Variants in LOC128706665 observed in about 807,000 individuals in gnomAD.
chr20:10,429,389 C>A, the LOC128706665 span, among the ~76,000 whole-genome samples: 7 of 152,130 alleles, frequency 4.6e-5, no homozygotes, highest in African/African-American at 1.7e-4. Flanking sequence ...GTTTCCTGGG[C>A]GGTCTCATTC....
the LOC128706665 span, among the ~76,000 whole-genome samples, chr20:10,427,064 ACACAC>A: frequency 6.8e-6 from 1 of 146,010 alleles, no homozygotes; most frequent in Non-Finnish European, 1.5e-5. Context: ...ACACACACAC[ACACAC>A]ACACACACAC....
the LOC128706665 span, among the ~76,000 whole-genome samples, chr20:10,429,279 A>C: frequency 6.6e-6 from 1 of 152,162 alleles, no homozygotes; most frequent in African/African-American, 2.4e-5. Context: ...ACTCCTAAGT[A>C]CTCAGGACTC....
the LOC128706665 span, chr20:10,434,127 C>T: frequency 6.6e-6 from 1 of 152,200 alleles, no homozygotes; most frequent in East Asian, 1.9e-4. Context: ...AGCCGTCGCG[C>T]CGCCCCAGGC....
the LOC128706665 span, among the ~76,000 whole-genome samples, chr20:10,419,677 A>G: frequency 6.6e-6 from 1 of 152,232 alleles, no homozygotes; most frequent in African/African-American, 2.4e-5. Flanking sequence ...TTACCTGAAC[A>G]TAAGCGCGGA....
At chr20:10,420,203 A>C in the LOC128706665 span, among the ~76,000 whole-genome samples, 1 of 152,190 alleles carries the variant, frequency 6.6e-6, no homozygotes. Context: ...ATAGAAGAAA[A>C]TAATCTTGTA....
At chr20:10,417,775 T>C in the LOC128706665 span, among the ~76,000 whole-genome samples, 1 of 152,178 alleles carries the variant, frequency 6.6e-6, no homozygotes, top group Admixed American at 6.5e-5. Flanking sequence ...TGAAGTATTC[T>C]TGTTCAAAAA....
At chr20:10,424,265 A>G in the LOC128706665 span, among the ~76,000 whole-genome samples, 1 of 150,872 alleles carries the variant, frequency 6.6e-6, no homozygotes, top group Non-Finnish European at 1.5e-5. Context: ...AATAAAAAGG[A>G]AAAAAAAAGG....
the LOC128706665 span, among the ~76,000 whole-genome samples, chr20:10,421,139 A>G: frequency 6.6e-6 from 1 of 152,312 alleles, no homozygotes; most frequent in South Asian, 2.1e-4. Context: ...TTTAAAAATT[A>G]TAATTACAGG....
At chr20:10,424,883 C>G in the LOC128706665 span, among the ~76,000 whole-genome samples, 57 of 152,046 alleles carry the variant, frequency 3.7e-4, no homozygotes, top group Non-Finnish European at 7.5e-4. Flanking sequence ...GAAACCCTGT[C>G]TCTACTAAAA....
the LOC128706665 span, among the ~76,000 whole-genome samples, chr20:10,426,675 G>A: frequency 0.014 from 2,071 of 152,346 alleles, 40 homozygotes; most frequent in African/African-American, 0.045. Context: ...TGGGATTACA[G>A]GCATGAGCCA....
the LOC128706665 span, among the ~76,000 whole-genome samples, chr20:10,414,100 C>T: frequency 1.3e-5 from 2 of 152,108 alleles, no homozygotes; most frequent in African/African-American, 2.4e-5. Context: ...CTTAAAATTC[C>T]TTTATTCTTC....
At chr20:10,428,510 T>C in the LOC128706665 span, among the ~76,000 whole-genome samples, 1 of 152,196 alleles carries the variant, frequency 6.6e-6, no homozygotes. Context: ...CACCTCTAAC[T>C]TGTTGTCCCC....
the LOC128706665 span, among the ~76,000 whole-genome samples, chr20:10,433,683 G>A: frequency 6.6e-6 from 1 of 152,134 alleles, no homozygotes; most frequent in Non-Finnish European, 1.5e-5. Flanking sequence ...CTCTAACGCC[G>A]TCGGAGGGCG....
the LOC128706665 span, among the ~76,000 whole-genome samples, chr20:10,424,526 G>A: frequency 6.6e-6 from 1 of 151,810 alleles, no homozygotes; most frequent in Non-Finnish European, 1.5e-5. Context: ...CTCTTCTCAG[G>A]GCAAGACACA....
chr20:10,416,754 GA>G, the LOC128706665 span, among the ~76,000 whole-genome samples: 1 of 152,190 alleles, frequency 6.6e-6, no homozygotes. Flanking sequence ...AACCCCTAAT[GA>G]AATAGTGCAT....
the LOC128706665 span, among the ~76,000 whole-genome samples, chr20:10,431,091 C>A: frequency 6.6e-6 from 1 of 152,124 alleles, no homozygotes; most frequent in Non-Finnish European, 1.5e-5. Flanking sequence ...CAGTGCCTAG[C>A]ATGTGGGAAG....
the LOC128706665 span, chr20:10,433,995 G>A: frequency 0.061 from 9,276 of 152,402 alleles, 406 homozygotes; most frequent in African/African-American, 0.11. Flanking sequence ...ATATCCTTCA[G>A]TGAGGACACC....
At chr20:10,429,783 A>G in the LOC128706665 span, among the ~76,000 whole-genome samples, 72,781 of 151,932 alleles carry the variant, frequency 0.48, 18,297 homozygotes, top group Non-Finnish European at 0.56. Flanking sequence ...TCCTTGCTTC[A>G]ATTCCAGTAG....
At chr20:10,428,806 T>C in the LOC128706665 span, among the ~76,000 whole-genome samples, 1 of 151,914 alleles carries the variant, frequency 6.6e-6, no homozygotes, top group East Asian at 1.9e-4. Context: ...ATCGCGCCAT[T>C]GCACTCCAGC....
Sources: allele counts gnomAD v4.1 joint callset (sites outside exome capture counted in the v4.1 genomes callset), GRCh38; gene constraint gnomAD v4.1.1; transcripts MANE v1.5.